PAPPA2: variants seen among roughly 807,000 people sequenced by gnomAD.
PAPPA2 encodes the protein pappalysin-2.
PAPPA2 carries 86 observed loss-of-function variants against 176.4 expected under a neutral mutation model. That is an observed-to-expected ratio of 0.49 (90% CI 0.41 to 0.58). The LOEUF (loss-of-function observed/expected upper bound fraction) is 0.58, where lower values mean the gene tolerates loss of function less well. Ranked by LOEUF, PAPPA2 falls within the 20% of genes least tolerant of loss-of-function variation. The pLI is 0.00. For missense variants in PAPPA2, 2,073 were observed against 2,256.9 expected (o/e 0.92, Z 1.65); for synonymous variants, 809 against 852.2 (o/e 0.95, Z 0.88).
intron 3 of PAPPA2, among the ~76,000 whole-genome samples, chr1:176,608,073 T>C (rs1198158519): frequency 6.6e-6 from 1 of 152,202 alleles, no homozygotes; most frequent in African/African-American, 2.4e-5. Flanking sequence ...TACTGTATTA[T>C]AGTTTTTCAA....
chr1:176,600,010 A>C (rs1158051559), intron 3 of PAPPA2, among the ~76,000 whole-genome samples: 1 of 152,136 alleles, frequency 6.6e-6, no homozygotes, highest in Non-Finnish European at 1.5e-5. Context: ...CTTTATTATT[A>C]AAAATATTAA....
intron 14 of PAPPA2, among the ~76,000 whole-genome samples, chr1:176,763,483 C>A (rs1381923153): frequency 5.3e-5 from 8 of 152,148 alleles, no homozygotes; most frequent in Admixed American, 2.6e-4. Context: ...TAAAATTTAA[C>A]AAATTTCTCA....
rs144369498 is a variant in PAPPA2, at chr1:176,576,217, C to A, written c.920-18307C>A. ...CAGCAGTGCATGAGTGTGCCCTTTT[C>A]CCCAGTGTTGCCAAATCTAGAGACT... is the stretch of plus-strand genomic sequence containing the variant. On this transcript the variant is annotated intron_variant, in intron 2 of 22. Coordinates refer to ENST00000367662, the MANE Select transcript of PAPPA2 (RefSeq NM_020318.3). Among the ~76,000 whole-genome samples the A allele has an allele frequency of 2.4e-3, 368 of 152,262 alleles. 5 individuals are homozygous for A. The highest frequency in any genetic ancestry group is 8.6e-3 in the African/African-American group (356 of 41,558).
chr1:176,661,655 G>A (rs1658367492), intron 3 of PAPPA2, among the ~76,000 whole-genome samples: 1 of 151,674 alleles, frequency 6.6e-6, no homozygotes, highest in African/African-American at 2.4e-5. Context: ...GTAAGTGAAG[G>A]CAGTGAGAAG....
At chr1:176,501,307 G>A (rs1040609205) in intron 1 of PAPPA2, among the ~76,000 whole-genome samples, 1 of 151,978 alleles carries the variant, frequency 6.6e-6, no homozygotes, top group Non-Finnish European at 1.5e-5. Context: ...TTAACAATTA[G>A]TCTCTATTAT....
chr1:176,660,544 T>C (rs1658305833), intron 3 of PAPPA2, among the ~76,000 whole-genome samples: 1 of 152,130 alleles, frequency 6.6e-6, no homozygotes. Context: ...AATACAGAGA[T>C]CTGGGCTAGG....
chr1:176,531,279 GT>G (rs1362442132), intron 1 of PAPPA2, among the ~76,000 whole-genome samples: 2 of 152,138 alleles, frequency 1.3e-5, no homozygotes, highest in Admixed American at 1.3e-4. Context: ...GATGTTCAAG[GT>G]TCACCATCAT....
chr1:176,762,409 T>A (rs1234414350), intron 14 of PAPPA2, among the ~76,000 whole-genome samples: 1 of 152,196 alleles, frequency 6.6e-6, no homozygotes, highest in African/African-American at 2.4e-5. Context: ...GGGAGGCTCA[T>A]TCAGAGCATT....
At chr1:176,733,324 A>G (rs1423432617) in intron 12 of PAPPA2, among the ~76,000 whole-genome samples, 1 of 152,166 alleles carries the variant, frequency 6.6e-6, no homozygotes, top group Non-Finnish European at 1.5e-5. Flanking sequence ...TGGAAAATGA[A>G]TCTATGTGGA....
chr1:176,766,159 A>G (rs1663954493), intron 15 of PAPPA2, among the ~76,000 whole-genome samples: 1 of 152,052 alleles, frequency 6.6e-6, no homozygotes, highest in South Asian at 2.1e-4. Flanking sequence ...CTTGTCTGTA[A>G]TTTTCAGGAA....
At position 176,685,488 on chromosome 1, in the gene PAPPA2, T is replaced by C. The variant is rs192040790; in HGVS notation, c.2138-4649T>C. ...GTGTAACCATGCGGAGTCTGACCTA[T>C]GTAACTGGAAGAAAGTGTGTGTGCA... On this transcript the variant is annotated intron_variant, in intron 4 of 22. Transcript: ENST00000367662. Among the ~76,000 whole-genome samples the C allele has an allele frequency of 1.9e-3, 284 of 152,344 alleles. 1 individual carries two copies. Among genetic ancestry groups the C allele is most frequent in the African/African-American group, 6.6e-3 (276 of 41,572 alleles).
At chr1:176,502,052 T>C (rs1647993085) in intron 1 of PAPPA2, among the ~76,000 whole-genome samples, 1 of 152,198 alleles carries the variant, frequency 6.6e-6, no homozygotes, top group Non-Finnish European at 1.5e-5. Flanking sequence ...GGAATAGCTC[T>C]TAAGAAATAA....
At chr1:176,584,175 C>T (rs555976798) in intron 2 of PAPPA2, among the ~76,000 whole-genome samples, 2 of 152,266 alleles carry the variant, frequency 1.3e-5, no homozygotes, top group South Asian at 4.1e-4. Flanking sequence ...CTGTTAGATC[C>T]ATTCAGTCTA....
In PAPPA2 at chr1:176,844,940, G is replaced by C. The variant is rs1368055000; in HGVS notation, c.*2486G>C. On this transcript the variant is annotated 3_prime_UTR_variant, in exon 23 of 23. Transcript: ENST00000367662. ...TATCTGCAATTCACCACTGCTCTGG[G>C]AAAGCAAAAGGAAAGTTCCTGTTGT... is the stretch of plus-strand genomic sequence containing the variant. 1 of 152,128 alleles carries C rather than the reference G, an allele frequency of 6.6e-6. No homozygotes were observed. Among genetic ancestry groups the C allele is most frequent in the Non-Finnish European group, 1.5e-5 (1 of 68,020 alleles). 9.4% of individuals were successfully genotyped at this position (152,128 alleles called of 1,614,324 possible). A position where few individuals can be genotyped will look rare whatever the true frequency, so the allele number is the denominator to read the frequency against.
chr1:176,796,484 T>G (rs1665430294), intron 20 of PAPPA2, among the ~76,000 whole-genome samples: 2 of 152,208 alleles, frequency 1.3e-5, no homozygotes, highest in Admixed American at 1.3e-4. Context: ...CTGTTAGCCT[T>G]TATTGTTGGC....
chr1:176,769,880 C>T (rs1664146666), intron 16 of PAPPA2, 96 bp downstream of exon 16: 2 of 1,282,554 alleles, frequency 1.6e-6, no homozygotes, highest in Admixed American at 5.1e-5. Context: ...CAACACCTTT[C>T]CTATTTGCTC....
chr1:176,605,809 G>C (rs960099850), intron 3 of PAPPA2, among the ~76,000 whole-genome samples: 1 of 152,160 alleles, frequency 6.6e-6, no homozygotes, highest in African/African-American at 2.4e-5. Flanking sequence ...ATCTCTCTCA[G>C]CTGATGTCAA....
At chr1:176,612,365 G>T (rs1654978738) in intron 3 of PAPPA2, among the ~76,000 whole-genome samples, 1 of 152,066 alleles carries the variant, frequency 6.6e-6, no homozygotes, top group East Asian at 1.9e-4. Context: ...CTGCACTCCA[G>T]CCTGGGTGAC....
Position 176,789,925 on chromosome 1 carries a change from G to A in PAPPA2, c.4832G>A (p.Gly1611Asp), listed in dbSNP as rs758918951. Residue 1611 changes from glycine to aspartate, a missense_variant, in exon 18 of 23, where the codon GGC becomes GAC. Gly to Asp is a moderately conservative substitution (Grantham distance 94, BLOSUM62 -1). Coordinates refer to ENST00000367662, the MANE Select transcript of PAPPA2 (RefSeq NM_020318.3). The part of the protein sequence containing the change: ...VFEGMYECTN[G>D]FSLDSQCVLN... ...GAAGGCATGTATGAATGTACCAATG[G>A]CTTCAGCCTGGACAGCCAGTGTGTG... 2 of 1,614,136 alleles carry A rather than the reference G, an allele frequency of 1.2e-6. No individual in the cohort carries two copies. The highest frequency in any genetic ancestry group is 1.7e-5 in the Admixed American group (1 of 60,024).
Sources: gnomAD v4.1 joint callset for allele counts (sites outside exome capture counted in the v4.1 genomes callset) on GRCh38, gnomAD v4.1.1 for gene constraint, MANE v1.5 for transcripts, NCBI Gene and HGNC (gene_info 2026-07-23, HGNC 2026-07-21) for gene names.